DDAH1: variants seen among roughly 807,000 people sequenced by gnomAD.
The protein encoded by DDAH1 is dimethylarginine dimethylaminohydrolase 1.
Under a neutral mutation model 28.8 loss-of-function variants are expected in DDAH1, and 19 were observed. That is an observed-to-expected ratio of 0.66 (90% CI 0.46 to 0.97). The LOEUF (loss-of-function observed/expected upper bound fraction) is 0.97. Among genes scored for constraint, DDAH1 ranks in the 50% least tolerant of loss-of-function variants. The pLI is 0.00. For synonymous variants in DDAH1, 153 were observed against 154.4 expected (o/e 0.99, Z 0.07); for missense variants, 326 against 375.9 (o/e 0.87, Z 1.10).
intron 2 of DDAH1, among the ~76,000 whole-genome samples, chr1:85,487,183 C>T (rs147757329): frequency 6.6e-6 from 1 of 152,340 alleles, no homozygotes; most frequent in East Asian, 1.9e-4. Context: ...GGACTTCCAA[C>T]CAAGGGAAGT....
rs576944193 is a variant in DDAH1, at chr1:85,457,029, G to C, written c.303+7714C>G. On this transcript the variant is annotated intron_variant, in intron 1 of 5. Transcript: ENST00000284031. Reference sequence around the variant, plus strand: ...AGACCATTATGGAGCATGTGGATAAGAGTAAGAGGGAAGTACACTTAGAAA... The same window carrying C: ...AGACCATTATGGAGCATGTGGATAACAGTAAGAGGGAAGTACACTTAGAAA... 8.5e-5 allele frequency among the ~76,000 whole-genome samples: 13 copies of C among 152,294 alleles called. No homozygotes were observed. The East Asian group carries it at 2.1e-3, about 25-fold the overall frequency.
chr1:85,534,990 C>T (rs1658225101), intron 1 of DDAH1, among the ~76,000 whole-genome samples: 1 of 151,264 alleles, frequency 6.6e-6, no homozygotes, highest in Non-Finnish European at 1.5e-5. Flanking sequence ...AAGGAGGTGG[C>T]GTGGGAGTGG....
chr1:85,327,981 G>C (rs1477440885), intron 4 of DDAH1, among the ~76,000 whole-genome samples: 1 of 152,190 alleles, frequency 6.6e-6, no homozygotes, highest in Non-Finnish European at 1.5e-5. Flanking sequence ...AACCTCAGGA[G>C]GGCACTGTGA....
At chr1:85,335,048 C>A (rs1648021732) in intron 4 of DDAH1, among the ~76,000 whole-genome samples, 1 of 152,020 alleles carries the variant, frequency 6.6e-6, no homozygotes, top group Non-Finnish European at 1.5e-5. Flanking sequence ...AAGTCCTACG[C>A]CTGGAAGTGA....
intron 2 of DDAH1, chr1:85,493,811 T>C (rs1466947090): frequency 6.6e-6 from 1 of 152,224 alleles, no homozygotes; most frequent in Non-Finnish European, 1.5e-5. Context: ...AATGGAAAAT[T>C]GATTGATGAA....
At chr1:85,393,790 C>A (rs887221107) in intron 1 of DDAH1, among the ~76,000 whole-genome samples, 1 of 152,124 alleles carries the variant, frequency 6.6e-6, no homozygotes, top group African/African-American at 2.4e-5. Flanking sequence ...TACATTGTCT[C>A]ACCTAAGAGT....
intron 1 of DDAH1, among the ~76,000 whole-genome samples, chr1:85,413,972 T>A (rs912300291): frequency 6.6e-6 from 1 of 152,376 alleles, no homozygotes; most frequent in South Asian, 2.1e-4. Flanking sequence ...AAACAACATA[T>A]GAAAATGTGT....
chr1:85,578,127 C>T (rs1015118946), exon 1 of DDAH1: 5 of 383,420 alleles, frequency 1.3e-5, no homozygotes, highest in Non-Finnish European at 1.8e-5. Flanking sequence ...TTTCTCTTGC[C>T]TAATGTCGTC....
intron 1 of DDAH1, among the ~76,000 whole-genome samples, chr1:85,445,223 C>T (rs181936111): frequency 9.2e-5 from 14 of 152,246 alleles, no homozygotes; most frequent in African/African-American, 3.1e-4. Flanking sequence ...TACTTTGTAT[C>T]CTTCAATCCA....
At chr1:85,415,779 G>C (rs1025150214) in intron 1 of DDAH1, among the ~76,000 whole-genome samples, 5 of 152,210 alleles carry the variant, frequency 3.3e-5, no homozygotes, top group African/African-American at 7.2e-5. Context: ...TGTGATTGAG[G>C]AGAGGTTCAC....
intron 4 of DDAH1, among the ~76,000 whole-genome samples, chr1:85,347,817 T>C (rs1648965319): frequency 1.3e-5 from 2 of 152,188 alleles, no homozygotes; most frequent in Non-Finnish European, 2.9e-5. Context: ...GGTTGTAACA[T>C]AGAAACCAAA....
intron 1 of DDAH1, among the ~76,000 whole-genome samples, chr1:85,433,060 T>C (rs1287031665): frequency 6.6e-6 from 1 of 152,208 alleles, no homozygotes; most frequent in African/African-American, 2.4e-5. Flanking sequence ...AACTGGTTTT[T>C]GGCCAGACTA....
intron 1 of DDAH1, among the ~76,000 whole-genome samples, chr1:85,368,864 G>A (rs1417575543): frequency 6.6e-6 from 1 of 152,042 alleles, no homozygotes; most frequent in Admixed American, 6.6e-5. Context: ...TGAATTCAGA[G>A]GAATCGCATG....
intron 2 of DDAH1, among the ~76,000 whole-genome samples, chr1:85,477,721 C>G (rs1655851798): frequency 6.6e-6 from 1 of 151,588 alleles, no homozygotes; most frequent in Non-Finnish European, 1.5e-5. Flanking sequence ...GATGTGAAAG[C>G]TAGAAGAAAA....
At chr1:85,360,554 G>A (rs1488983873) in intron 1 of DDAH1, among the ~76,000 whole-genome samples, 3 of 152,184 alleles carry the variant, frequency 2.0e-5, no homozygotes, top group African/African-American at 4.8e-5. Flanking sequence ...GAGAGATCAT[G>A]AGAACAGATA....
intron 1 of DDAH1, among the ~76,000 whole-genome samples, chr1:85,510,592 A>G (rs1207795530): frequency 6.6e-6 from 1 of 152,236 alleles, no homozygotes; most frequent in Non-Finnish European, 1.5e-5. Flanking sequence ...AGGGTGCTGT[A>G]TTCAGGAGAC....
chr1:85,566,964 G>T (rs1659322873), intron 1 of DDAH1, among the ~76,000 whole-genome samples: 1 of 152,186 alleles, frequency 6.6e-6, no homozygotes, highest in African/African-American at 2.4e-5. Context: ...AACCTATGAA[G>T]AATCAATGTG....
intron 1 of DDAH1, among the ~76,000 whole-genome samples, chr1:85,433,232 A>G (rs980058704): frequency 6.6e-6 from 1 of 152,168 alleles, no homozygotes; most frequent in Admixed American, 6.6e-5. Context: ...ATTAGGAGGT[A>G]AAACACCCAG....
At chr1:85,352,251 C>T (rs764421683) in intron 2 of DDAH1, among the ~76,000 whole-genome samples, 12 of 151,994 alleles carry the variant, frequency 7.9e-5, no homozygotes, top group Non-Finnish European at 2.9e-5. Flanking sequence ...TTACAGGGTC[C>T]CAGTCTGAGC....
Sources: allele counts gnomAD v4.1 joint callset (sites outside exome capture counted in the v4.1 genomes callset), GRCh38; gene constraint gnomAD v4.1.1; transcripts MANE v1.5; gene names NCBI Gene and HGNC (gene_info 2026-07-23, HGNC 2026-07-21).